Variants in PCDH9 observed in about 807,000 individuals in gnomAD.
PCDH9 encodes the protein protocadherin-9.
PCDH9 carries 24 observed loss-of-function variants against 70.6 expected under a neutral mutation model. The observed-to-expected ratio is 0.34, with a 90% CI of 0.25 to 0.48. PCDH9 has a LOEUF of 0.48. Among genes scored for constraint, PCDH9 ranks in the 20% least tolerant of loss-of-function variants. The pLI is 0.99. For synonymous variants in PCDH9, 562 were observed against 558.5 expected (o/e 1.01, Z -0.09); for missense variants, 1,281 against 1,503.6 (o/e 0.85, Z 2.45).
intron 2 of PCDH9, among the ~76,000 whole-genome samples, chr13:67,156,851 G>T (rs2138404761): frequency 6.6e-6 from 1 of 152,230 alleles, no homozygotes; most frequent in African/African-American, 2.4e-5. Flanking sequence ...CCTGCCGTCT[G>T]TATGCTCCTC....
At chr13:66,321,516 G>T (rs750577373) in intron 4 of PCDH9, among the ~76,000 whole-genome samples, 1 of 151,810 alleles carries the variant, frequency 6.6e-6, no homozygotes, top group Admixed American at 6.6e-5. Flanking sequence ...TACCTTAGGA[G>T]CTAGTGCTCT....
intron 3 of PCDH9, among the ~76,000 whole-genome samples, chr13:66,778,846 G>C (rs1376943423): frequency 6.6e-6 from 1 of 152,140 alleles, no homozygotes; most frequent in Non-Finnish European, 1.5e-5. Flanking sequence ...GTGATGAGCA[G>C]CCCCATGGTT....
At chr13:67,078,987 C>A (rs1351339737) in intron 2 of PCDH9, among the ~76,000 whole-genome samples, 2 of 151,966 alleles carry the variant, frequency 1.3e-5, no homozygotes, top group Admixed American at 6.6e-5. Flanking sequence ...GTCATGAACA[C>A]AATCTGAGAG....
intron 4 of PCDH9, among the ~76,000 whole-genome samples, chr13:66,406,098 T>TA (rs1957276744): frequency 6.6e-6 from 1 of 152,086 alleles, no homozygotes; most frequent in South Asian, 2.1e-4. Context: ...TTGTGGATAG[T>TA]AAAAGGTACA....
chr13:67,048,927 CA>C, intron 2 of PCDH9, among the ~76,000 whole-genome samples: 1 of 152,194 alleles, frequency 6.6e-6, no homozygotes, highest in Non-Finnish European at 1.5e-5. Flanking sequence ...TGCTGGAAGA[CA>C]TTACAACACT....
At chr13:66,462,695 T>C (rs1011490143) in intron 4 of PCDH9, among the ~76,000 whole-genome samples, 1 of 151,726 alleles carries the variant, frequency 6.6e-6, no homozygotes, top group Admixed American at 6.6e-5. Context: ...TGGGCTATGA[T>C]TTAAACACTT....
chr13:67,042,044 T>C (rs576112906), intron 2 of PCDH9, among the ~76,000 whole-genome samples: 1 of 152,090 alleles, frequency 6.6e-6, no homozygotes, highest in Admixed American at 6.6e-5. Context: ...CCAAAGCCCA[T>C]GTTTCTAGTG....
At chr13:67,113,299 AT>A (rs1380740640) in intron 2 of PCDH9, among the ~76,000 whole-genome samples, 1 of 152,184 alleles carries the variant, frequency 6.6e-6, no homozygotes, top group Non-Finnish European at 1.5e-5. Flanking sequence ...CCCACAAAAA[AT>A]ATTTCTAACT....
At chr13:66,338,829 C>A (rs1956079652) in intron 4 of PCDH9, among the ~76,000 whole-genome samples, 1 of 151,828 alleles carries the variant, frequency 6.6e-6, no homozygotes, top group South Asian at 2.1e-4. Context: ...AACGTTCTAT[C>A]CTTTTAGGCT....
chr13:67,081,682 T>C (rs1022153062), intron 2 of PCDH9, among the ~76,000 whole-genome samples: 6 of 152,178 alleles, frequency 3.9e-5, no homozygotes, highest in African/African-American at 1.4e-4. Flanking sequence ...GTTGAAACCA[T>C]AAAAGTATTA....
At chr13:67,052,344 G>A (rs999582401) in intron 2 of PCDH9, among the ~76,000 whole-genome samples, 3 of 152,034 alleles carry the variant, frequency 2.0e-5, no homozygotes, top group African/African-American at 7.2e-5. Flanking sequence ...TCAGGCAGTG[G>A]AAAAGTGTGC....
intron 3 of PCDH9, among the ~76,000 whole-genome samples, chr13:66,809,149 CG>C (rs1187101741): frequency 6.6e-6 from 1 of 152,052 alleles, no homozygotes; most frequent in Non-Finnish European, 1.5e-5. Context: ...GGGGTTTCAC[CG>C]TGTTAGCCAG....
rs1045046779 is a variant in PCDH9, at chr13:66,302,841, T to C, written c.*1814A>G. 3 of 152,538 alleles carry C rather than the reference T, an allele frequency of 2.0e-5. No homozygotes were observed. The highest frequency in any genetic ancestry group is 7.2e-5 in the African/African-American group (3 of 41,436). The allele number at this position is 152,538 out of a possible 1,614,324, so 9.4% of individuals were successfully genotyped here. ...AGAATTAACACACTGCAATCAGGAATTCAGAACATTTATTGCAAGAGCTGA... is the reference window on the plus strand; with the variant it reads ...AGAATTAACACACTGCAATCAGGAACTCAGAACATTTATTGCAAGAGCTGA... On this transcript the variant is annotated 3_prime_UTR_variant, in exon 5 of 5. Coordinates refer to ENST00000377865, the MANE Select transcript of PCDH9 (RefSeq NM_203487.3).
chr13:66,347,666 C>A (rs1278796251), intron 4 of PCDH9, among the ~76,000 whole-genome samples: 2 of 152,122 alleles, frequency 1.3e-5, no homozygotes, highest in Non-Finnish European at 2.9e-5. Context: ...TCAGCCTTAC[C>A]GGCCCTCCTG....
At chr13:66,974,789 T>C (rs1203710165) in intron 2 of PCDH9, among the ~76,000 whole-genome samples, 1 of 152,008 alleles carries the variant, frequency 6.6e-6, no homozygotes, top group African/African-American at 2.4e-5. Flanking sequence ...CTTAGGCCAG[T>C]TGAGAGTTGA....
Position 66,730,876 on chromosome 13 carries a change from G to GTGTTTTTTTT in PCDH9, c.3139-99466_3139-99465insAAAAAAAACA, listed in dbSNP as rs1555262846. ...TGTTTTTGTTTTTTTGTGTGTGTGT[G>GTGTTTTTTTT]TTTTTTTTTTGTTTGTTTCTTTTTT... On this transcript the variant is annotated intron_variant, in intron 3 of 4. Coordinates refer to ENST00000377865, the MANE Select transcript of PCDH9 (RefSeq NM_203487.3). 5.4e-4 allele frequency among the ~76,000 whole-genome samples: 25 copies of GTGTTTTTTTT among 46,354 alleles called. 2 individuals are homozygous for GTGTTTTTTTT. The highest frequency in any genetic ancestry group is 1.8e-3 in the African/African-American group (24 of 13,274). The allele number at this position is 46,354 out of a possible 152,430, so 30.4% of individuals were successfully genotyped here. A position where few individuals can be genotyped will look rare whatever the true frequency, so the allele number is the denominator to read the frequency against.
chr13:66,918,996 T>C (rs923058932), intron 2 of PCDH9, among the ~76,000 whole-genome samples: 4 of 151,246 alleles, frequency 2.6e-5, no homozygotes, highest in African/African-American at 4.8e-5. Context: ...ATTCTTTTTT[T>C]CTTCCAGAAT....
intron 3 of PCDH9, among the ~76,000 whole-genome samples, chr13:66,698,382 C>G (rs1422634863): frequency 2.0e-5 from 3 of 152,166 alleles, no homozygotes; most frequent in Non-Finnish European, 4.4e-5. Flanking sequence ...AGCCACTGCT[C>G]TAAAATATGG....
chr13:67,173,686 C>T (rs1363900907), intron 2 of PCDH9, among the ~76,000 whole-genome samples: 1 of 152,158 alleles, frequency 6.6e-6, no homozygotes, highest in Non-Finnish European at 1.5e-5. Context: ...GTTAGCAAGG[C>T]AGCAGAAAGT....
Sources: gnomAD v4.1 joint callset for allele counts (sites outside exome capture counted in the v4.1 genomes callset) on GRCh38, gnomAD v4.1.1 for gene constraint, MANE v1.5 for transcripts, NCBI Gene and HGNC (gene_info 2026-07-23, HGNC 2026-07-21) for gene names.